ZHX2: variants seen among roughly 807,000 people sequenced by gnomAD.
ZHX2 encodes zinc fingers and homeoboxes protein 2.
In ZHX2, 6 loss-of-function variants were observed where a neutral mutation model predicts 21.9. The ratio of observed to expected loss-of-function variants is 0.27; its 90% CI spans 0.15 to 0.54. The LOEUF is 0.54. Among genes scored for constraint, ZHX2 ranks in the 20% least tolerant of loss-of-function variants. The probability of loss-of-function intolerance (pLI) is 0.95; values close to 1 mark genes in which losing one functional copy is unlikely to be tolerated. For missense variants in ZHX2, 908 were observed against 1,090.7 expected (o/e 0.83, Z 2.36); for synonymous variants, 434 against 437.1 (o/e 0.99, Z 0.09).
chr8:122,864,308 A>G (rs1409383491), intron 2 of ZHX2, among the ~76,000 whole-genome samples: 1 of 151,780 alleles, frequency 6.6e-6, no homozygotes, highest in African/African-American at 2.4e-5. Context: ...TTTTAGGTGC[A>G]GGTTCTCCTG....
At chr8:122,962,661 A>G (rs1325123409) in intron 3 of ZHX2, among the ~76,000 whole-genome samples, 1 of 152,214 alleles carries the variant, frequency 6.6e-6, no homozygotes, top group Non-Finnish European at 1.5e-5. Flanking sequence ...TTGCTGGATC[A>G]AATGGTAGTT....
chr8:122,972,367 G>A (rs1813745935), intron 3 of ZHX2, among the ~76,000 whole-genome samples: 1 of 152,074 alleles, frequency 6.6e-6, no homozygotes, highest in Non-Finnish European at 1.5e-5. Flanking sequence ...AAGGGTATAA[G>A]AATTAAACAT....
At chr8:122,874,009 T>C (rs1011313456) in intron 2 of ZHX2, among the ~76,000 whole-genome samples, 11 of 152,180 alleles carry the variant, frequency 7.2e-5, no homozygotes, top group African/African-American at 2.4e-4. Flanking sequence ...TCCAGAATAA[T>C]CTGTTTATCC....
intron 1 of ZHX2, among the ~76,000 whole-genome samples, chr8:122,814,017 T>C (rs1817981217): frequency 6.6e-6 from 1 of 152,202 alleles, no homozygotes; most frequent in Non-Finnish European, 1.5e-5. Flanking sequence ...CCTAAATGAT[T>C]TGCTTAGTCA....
chr8:122,910,332 C>G (rs1820447935), intron 2 of ZHX2, among the ~76,000 whole-genome samples: 2 of 152,086 alleles, frequency 1.3e-5, no homozygotes, highest in African/African-American at 4.8e-5. Flanking sequence ...TGACATGCCC[C>G]AAAACACAGC....
chr8:122,823,986 C>T (rs565193535), intron 1 of ZHX2, among the ~76,000 whole-genome samples: 5 of 152,314 alleles, frequency 3.3e-5, no homozygotes, highest in Admixed American at 2.6e-4. Context: ...AACACTGTGT[C>T]GAATGAACAC....
intron 3 of ZHX2, among the ~76,000 whole-genome samples, chr8:122,955,509 G>A (rs1200293776): frequency 1.3e-5 from 2 of 152,144 alleles, no homozygotes; most frequent in African/African-American, 4.8e-5. Flanking sequence ...AATAAAATGA[G>A]GCAGCTGACA....
At chr8:122,860,979 G>A (rs1819151743) in intron 1 of ZHX2, among the ~76,000 whole-genome samples, 1 of 148,102 alleles carries the variant, frequency 6.8e-6, no homozygotes. Context: ...GTTGCAGTGA[G>A]CCGAGATCAT....
chr8:122,869,335 T>G (rs949003669), intron 2 of ZHX2, among the ~76,000 whole-genome samples: 27 of 151,882 alleles, frequency 1.8e-4, no homozygotes, highest in African/African-American at 6.0e-4. Context: ...GTTTTTTTTT[T>G]TTGTTTTTTG....
intron 2 of ZHX2, among the ~76,000 whole-genome samples, chr8:122,882,312 C>CAGAG (rs1475535469): frequency 2.0e-5 from 3 of 151,360 alleles, no homozygotes; most frequent in Admixed American, 6.6e-5. Context: ...AACACACACA[C>CAGAG]ACAGAGAGAG....
At chr8:122,909,184 A>C (rs1361346161) in intron 2 of ZHX2, among the ~76,000 whole-genome samples, 1 of 152,160 alleles carries the variant, frequency 6.6e-6, no homozygotes, top group South Asian at 2.1e-4. Flanking sequence ...TAATCCCAGC[A>C]GTTTGGGAGA....
At chr8:122,794,852 TA>T (rs1257329748) in intron 1 of ZHX2, among the ~76,000 whole-genome samples, 3 of 152,216 alleles carry the variant, frequency 2.0e-5, no homozygotes, top group Non-Finnish European at 4.4e-5. Flanking sequence ...CCAGAAAGAC[TA>T]TCCCCAAGCT....
chr8:122,852,321 T>C (rs1477406906), intron 1 of ZHX2, among the ~76,000 whole-genome samples: 1 of 152,222 alleles, frequency 6.6e-6, no homozygotes, highest in African/African-American at 2.4e-5. Flanking sequence ...CCTTGCGGCT[T>C]TAAATAATAG....
At chr8:122,819,470 G>A (rs1818098420) in intron 1 of ZHX2, among the ~76,000 whole-genome samples, 1 of 152,238 alleles carries the variant, frequency 6.6e-6, no homozygotes, top group African/African-American at 2.4e-5. Flanking sequence ...TTAGAAGAAG[G>A]ACTTGAACTT....
intron 2 of ZHX2, among the ~76,000 whole-genome samples, chr8:122,925,535 G>A (rs1483272261): frequency 1.3e-5 from 2 of 152,174 alleles, no homozygotes; most frequent in Non-Finnish European, 2.9e-5. Context: ...GTAGAGGAGG[G>A]AGTAAACAAT....
chr8:122,801,383 G>C (rs1241982849), intron 1 of ZHX2, among the ~76,000 whole-genome samples: 1 of 152,094 alleles, frequency 6.6e-6, no homozygotes, highest in Non-Finnish European at 1.5e-5. Flanking sequence ...TCACGAACAG[G>C]ATTTTGACAT....
At chr8:122,809,068 A>T (rs970376618) in intron 1 of ZHX2, 4 of 152,234 alleles carry the variant, frequency 2.6e-5, no homozygotes, top group Non-Finnish European at 5.9e-5. Context: ...GAGAGACCAG[A>T]AGCTGTGAGG....
chr8:122,800,751 C>G (rs1563734762), intron 1 of ZHX2, among the ~76,000 whole-genome samples: 2 of 151,880 alleles, frequency 1.3e-5, no homozygotes. Context: ...TTTCCCAAGG[C>G]GGGGGGCAGA....
chr8:122,958,864 T>A (rs931920173), intron 3 of ZHX2, among the ~76,000 whole-genome samples: 2 of 152,256 alleles, frequency 1.3e-5, no homozygotes, highest in Non-Finnish European at 2.9e-5. Context: ...CCTGTGCTAG[T>A]CTGTGTAGAT....
Sources: allele counts gnomAD v4.1 joint callset (sites outside exome capture counted in the v4.1 genomes callset), GRCh38; gene constraint gnomAD v4.1.1; transcripts MANE v1.5; gene names NCBI Gene and HGNC (gene_info 2026-07-23, HGNC 2026-07-21).